Variants in ADGRG7 observed in about 807,000 individuals in gnomAD.
ADGRG7 encodes the protein G-protein coupled receptor 128.
ADGRG7 carries 82 observed loss-of-function variants against 88.6 expected under a neutral mutation model. The observed-to-expected ratio is 0.93, with a 90% CI of 0.77 to 1.11. ADGRG7 has a LOEUF of 1.11. ADGRG7 is among the 50% of genes most tolerant of loss of function. ADGRG7 has a pLI of 0.00. For synonymous variants in ADGRG7, 381 were observed against 345.2 expected, an observed-to-expected ratio of 1.10 and a Z score of -1.15; for missense variants, 945 against 953.4, an observed-to-expected ratio of 0.99 and a Z score of 0.12.
At chr3:100,616,753 G>A (rs3914874) in intron 1 of ADGRG7, among the ~76,000 whole-genome samples, 1,673 of 152,232 alleles carry the variant, frequency 0.011, 26 homozygotes, top group African/African-American at 0.038. Flanking sequence ...CCCAGGAGAT[G>A]GAGGCTACAG....
At position 100,693,997 on chromosome 3, in the gene ADGRG7, A is replaced by C. The variant is rs143318889; in HGVS notation, c.2137-747A>C. Among the ~76,000 whole-genome samples the C allele has an allele frequency of 1.6e-4, 25 of 152,352 alleles. No homozygotes were observed. In the East Asian group the frequency reaches 4.6e-3, roughly 28 times the overall value. On this transcript the variant is annotated intron_variant, in intron 15 of 15. Coordinates refer to ENST00000273352, the MANE Select transcript of ADGRG7 (RefSeq NM_032787.3). The stretch of plus-strand genomic sequence containing the variant: ...GGGTTTTGGAGCTAAAGATGTAAGA[A>C]TTCAATTCCAGACTCCACTGAGTAC...
intron 15 of ADGRG7, among the ~76,000 whole-genome samples, chr3:100,678,371 G>A (rs572167035): frequency 1.3e-4 from 20 of 152,122 alleles, no homozygotes; most frequent in Admixed American, 1.3e-3. Context: ...CCTCAAAATA[G>A]CTATTTTGAA....
At position 100,646,688 on chromosome 3, in the gene ADGRG7, C is replaced by T. The variant is rs770310267; in HGVS notation, c.1230C>T (p.Cys410=). 7 of 1,614,098 alleles carry T rather than the reference C, an allele frequency of 4.3e-6. No homozygotes were observed. The highest frequency in any genetic ancestry group is 5.9e-6 in the Non-Finnish European group (7 of 1,179,968). The stretch of plus-strand genomic sequence containing the variant: ...AGGGCACTGATGGATTCCTGCGCTG[C>T]CGCTGCAACCATACTACTAATTTTG... ...KDKGTDGFLR[C]RCNHTTNFAV... Residue 410 remains cysteine (C), a synonymous_variant, in exon 10 of 16, where the codon TGC becomes TGT. Coordinates refer to ENST00000273352, the MANE Select transcript of ADGRG7 (RefSeq NM_032787.3).
At chr3:100,611,303 T>TCTTCTTTC (rs1472947086) in intron 1 of ADGRG7, among the ~76,000 whole-genome samples, 1 of 124,354 alleles carries the variant, frequency 8.0e-6, no homozygotes, top group South Asian at 2.7e-4. Flanking sequence ...TTCCTTCCTT[T>TCTTCTTTC]CTTCTTTCCT....
intron 15 of ADGRG7, among the ~76,000 whole-genome samples, chr3:100,685,731 T>C (rs1418688513): frequency 6.6e-6 from 1 of 152,166 alleles, no homozygotes; most frequent in Admixed American, 6.5e-5. Flanking sequence ...TGCATAGTAT[T>C]CCATGGTGTA....
chr3:100,614,208 C>CA (rs922537709), intron 1 of ADGRG7, among the ~76,000 whole-genome samples: 2 of 152,146 alleles, frequency 1.3e-5, no homozygotes, highest in African/African-American at 2.4e-5. Flanking sequence ...GATTGAGACT[C>CA]AAATTACCAA....
At chr3:100,621,751 C>A (rs1340060394) in intron 1 of ADGRG7, among the ~76,000 whole-genome samples, 2 of 152,176 alleles carry the variant, frequency 1.3e-5, no homozygotes, top group Non-Finnish European at 2.9e-5. Flanking sequence ...CTACACTAAA[C>A]AACAGATTTT....
At chr3:100,679,872 T>C (rs2094970719) in intron 15 of ADGRG7, among the ~76,000 whole-genome samples, 1 of 152,216 alleles carries the variant, frequency 6.6e-6, no homozygotes, top group South Asian at 2.1e-4. Context: ...AGGTTTTCTT[T>C]CAATTCTTTT....
At chr3:100,685,710 T>C (rs1025400553) in intron 15 of ADGRG7, among the ~76,000 whole-genome samples, 2 of 152,194 alleles carry the variant, frequency 1.3e-5, no homozygotes, top group African/African-American at 4.8e-5. Flanking sequence ...GAACTCATCA[T>C]TTTTTACGGC....
At position 100,634,712 on chromosome 3, in the gene ADGRG7, C is replaced by A. The variant is rs144999703; in HGVS notation, c.448-965C>A. Among the ~76,000 whole-genome samples the A allele has an allele frequency of 1.1e-4, 17 of 152,302 alleles. No homozygotes were observed. The East Asian group carries it at 2.5e-3, about 22-fold the overall frequency. On this transcript the variant is annotated intron_variant, in intron 4 of 15. Transcript: ENST00000273352. ...ATGCTAAATTTGGAATCTGGCAAAC[C>A]AGTGTTTGGTTCTTAGCTCTGCCAC...
intron 6 of ADGRG7, 123 bp from the exon 7 acceptor site, chr3:100,643,143 G>T (rs1707673603): frequency 2.4e-6 from 2 of 843,156 alleles, no homozygotes; most frequent in Admixed American, 5.0e-5. Context: ...TTAGGCAATT[G>T]TCAATGTTGT....
chr3:100,640,886 T>C (rs1178236626), intron 6 of ADGRG7, among the ~76,000 whole-genome samples: 2 of 152,186 alleles, frequency 1.3e-5, no homozygotes, highest in Non-Finnish European at 2.9e-5. Context: ...TGATCTCATA[T>C]TGAAGGTCAT....
At chr3:100,673,734 G>A (rs1243378611) in intron 15 of ADGRG7, among the ~76,000 whole-genome samples, 1 of 152,140 alleles carries the variant, frequency 6.6e-6, no homozygotes, top group African/African-American at 2.4e-5. Flanking sequence ...TGGGATTACA[G>A]GCGTGAGCCA....
chr3:100,648,375 A>G (rs1259828475), intron 10 of ADGRG7, among the ~76,000 whole-genome samples: 1 of 152,136 alleles, frequency 6.6e-6, no homozygotes, highest in African/African-American at 2.4e-5. Context: ...AGACCTATGA[A>G]TCTTACGATC....
chr3:100,684,240 T>C (rs1304895075), intron 15 of ADGRG7, among the ~76,000 whole-genome samples: 1 of 149,074 alleles, frequency 6.7e-6, no homozygotes, highest in Non-Finnish European at 1.5e-5. Context: ...AATTTTCTCA[T>C]AGTTTTTCCA....
chr3:100,637,524 GA>G (rs1707566150), intron 6 of ADGRG7, 122 bp downstream of exon 6: 2 of 689,598 alleles, frequency 2.9e-6, no homozygotes, highest in Non-Finnish European at 5.0e-6. Flanking sequence ...GATTCCTCTG[GA>G]ATGTAGATAA....
At chr3:100,618,533 G>A (rs1426687396) in intron 1 of ADGRG7, among the ~76,000 whole-genome samples, 1 of 152,082 alleles carries the variant, frequency 6.6e-6, no homozygotes, top group East Asian at 1.9e-4. Flanking sequence ...TTGTAGATAT[G>A]AGGCATCATT....
chr3:100,667,086 C>T (rs2094952793), intron 14 of ADGRG7, among the ~76,000 whole-genome samples: 1 of 152,090 alleles, frequency 6.6e-6, no homozygotes, highest in South Asian at 2.1e-4. Flanking sequence ...ATCTCTCTTG[C>T]TTTTCCCCAC....
At position 100,609,625 on chromosome 3, in the gene ADGRG7, G is replaced by A; in HGVS notation, c.-232G>A. The A allele has an allele frequency of 2.5e-6, 1 of 395,008 alleles. No homozygotes were observed. The allele number at this position is 395,008 out of a possible 1,614,324, so 24.5% of individuals were successfully genotyped here. On this transcript the variant is annotated 5_prime_UTR_variant, in exon 1 of 16. Transcript: ENST00000273352. ...CACTTTTTTCATGTTCTCCTTGAGT[G>A]AAGGATGAGGAAATTGAAAGCAGAG...
Sources: gnomAD v4.1 joint callset for allele counts (sites outside exome capture counted in the v4.1 genomes callset) on GRCh38, gnomAD v4.1.1 for gene constraint, MANE v1.5 for transcripts, NCBI Gene and HGNC (gene_info 2026-07-23, HGNC 2026-07-21) for gene names.